The following MACF1 variants were observed in gnomAD, a reference collection of about 807,000 sequenced individuals.
MACF1 encodes the protein microtubule actin crosslinking factor 1.
Under a neutral mutation model 854.8 loss-of-function variants are expected in MACF1, and 193 were observed. That is an observed-to-expected ratio of 0.23 (90% CI 0.20 to 0.25). The LOEUF (loss-of-function observed/expected upper bound fraction) is 0.25, where lower values mean the gene tolerates loss of function less well. Ranked by LOEUF, MACF1 falls within the 10% of genes least tolerant of loss-of-function variation. The probability of loss-of-function intolerance (pLI) is 1.00; values close to 1 mark genes in which losing one functional copy is unlikely to be tolerated. For missense variants in MACF1, 7,722 were observed against 8,929.1 expected, an observed-to-expected ratio of 0.86 and a Z score of 5.45; for synonymous variants, 3,185 against 3,226.7, an observed-to-expected ratio of 0.99 and a Z score of 0.44.
rs925947222 is a variant in MACF1, at chr1:39,478,989, C to T, written c.21959-809C>T. ...TGTCTTTTAAATTAGTAGCATCTTT[C>T]GCATTTAACATTTTTGTTGGCTGTG... On this transcript the variant is annotated intron_variant, in intron 97 of 100. Coordinates refer to ENST00000564288, the MANE Select transcript of MACF1 (RefSeq NM_001394062.1). 2.0e-5 allele frequency among the ~76,000 whole-genome samples: 3 copies of T among 152,270 alleles called. No homozygotes were observed. In the South Asian group the frequency reaches 6.2e-4, roughly 32 times the overall value.
At chr1:39,407,575 G>A (rs1642761018) in intron 58 of MACF1, among the ~76,000 whole-genome samples, 1 of 152,228 alleles carries the variant, frequency 6.6e-6, no homozygotes, top group Non-Finnish European at 1.5e-5. Context: ...ATCAGCAGCC[G>A]TTGTTGAAGT....
chr1:39,288,032 A>AT (rs1645680210), intron 15 of MACF1, among the ~76,000 whole-genome samples: 1 of 152,040 alleles, frequency 6.6e-6, no homozygotes, highest in Non-Finnish European at 1.5e-5. Flanking sequence ...AATTAAAAAA[A>AT]TTTTTTGTGG....
intron 85 of MACF1, 71 bp downstream of exon 85, chr1:39,451,282 A>G (rs566073760): frequency 6.3e-6 from 9 of 1,427,802 alleles, no homozygotes; most frequent in African/African-American, 5.7e-5. Flanking sequence ...GGTCTTCTAC[A>G]TATGACTGCC....
At chr1:39,289,495 G>A (rs1284003397) in intron 15 of MACF1, among the ~76,000 whole-genome samples, 1 of 152,022 alleles carries the variant, frequency 6.6e-6, no homozygotes, top group Non-Finnish European at 1.5e-5. Flanking sequence ...AATTAGTGAC[G>A]TTGAGCACCT....
chr1:39,414,219 G>C, intron 58 of MACF1: 1 of 1,613,838 alleles, frequency 6.2e-7, no homozygotes, highest in Non-Finnish European at 8.5e-7. Context: ...CCCCAGAGGT[G>C]CCTGCCATCC....
intron 72 of MACF1, among the ~76,000 whole-genome samples, chr1:39,440,111 C>CTTTTCTTTTCTTTTCTTTTTTT (rs1553414036): frequency 1.1e-4 from 7 of 64,514 alleles, no homozygotes; most frequent in African/African-American, 4.7e-4. Flanking sequence ...CTTTTCTTTT[C>CTTTTCTTTTCTTTTCTTTTTTT]TTTTTTTTTT....
intron 45 of MACF1, among the ~76,000 whole-genome samples, chr1:39,358,287 C>G (rs993322539): frequency 2.6e-5 from 4 of 152,176 alleles, no homozygotes; most frequent in African/African-American, 9.7e-5. Flanking sequence ...TCCTTACCTT[C>G]CTTCCTATCT....
chr1:39,418,339 G>A (rs568965516), intron 58 of MACF1, among the ~76,000 whole-genome samples: 143 of 152,258 alleles, frequency 9.4e-4, no homozygotes, highest in African/African-American at 3.2e-3. Flanking sequence ...AGTTGGATAC[G>A]TAGCTTTGAA....
chr1:39,432,288 T>G (rs1188536461), intron 66 of MACF1, among the ~76,000 whole-genome samples: 4 of 152,250 alleles, frequency 2.6e-5, no homozygotes, highest in African/African-American at 9.6e-5. Context: ...AGGGGATTGA[T>G]ATCTGTTATT....
intron 2 of MACF1, among the ~76,000 whole-genome samples, chr1:39,199,025 G>A (rs1005258783): frequency 2.0e-5 from 3 of 151,714 alleles, no homozygotes; most frequent in South Asian, 4.2e-4. Flanking sequence ...TCGCTCTGTC[G>A]CCCAGGCTGG....
At chr1:39,254,043 C>T (rs1021387082) in intron 4 of MACF1, 45 of 406,218 alleles carry the variant, frequency 1.1e-4, no homozygotes, top group Admixed American at 3.2e-4. Flanking sequence ...GGCATTGATT[C>T]GGCATTAGTG....
At chr1:39,468,833 T>C in intron 96 of MACF1, 101 bp downstream of exon 96, 1 of 1,112,270 alleles carries the variant, frequency 9.0e-7, no homozygotes, top group South Asian at 1.3e-5. Flanking sequence ...GTCTGTTTTT[T>C]ATTTTGTTAA....
chr1:39,432,595 G>A lies in MACF1; in HGVS notation c.17398G>A (p.Ala5800Thr). The change falls in exon 67 of 101, where the codon GCT becomes ACT. Residue 5800 changes from alanine (A) to threonine (T), a missense_variant. Transcript: ENST00000564288. ...WVAETKRKLM[A>T]LGPIRLEQDQ... is the part of the protein sequence containing the mutation. ...TGCTGAAACAAAACGGAAACTGATGGCTCTGGGTCCAATTCGCCTGGAACA... is the reference window on the plus strand; with the variant it reads ...TGCTGAAACAAAACGGAAACTGATGACTCTGGGTCCAATTCGCCTGGAACA... The A allele has an allele frequency of 6.2e-7, 1 of 1,613,998 alleles. No individual in the cohort carries two copies. Among genetic ancestry groups the A allele is most frequent in the Non-Finnish European group, 8.5e-7 (1 of 1,179,960 alleles).
At chr1:39,448,326 G>C (rs909820062) in intron 83 of MACF1, among the ~76,000 whole-genome samples, 174 bp downstream of exon 83, 4 of 152,164 alleles carry the variant, frequency 2.6e-5, no homozygotes, top group African/African-American at 9.7e-5. Flanking sequence ...CATGATATTT[G>C]CTCATTTAAA....
intron 2 of MACF1, among the ~76,000 whole-genome samples, chr1:39,171,155 G>T (rs72661914): frequency 6.6e-6 from 1 of 151,646 alleles, no homozygotes; most frequent in African/African-American, 2.4e-5. Context: ...ACTTGTCTGC[G>T]TTCCTTTCTG....
intron 95 of MACF1, among the ~76,000 whole-genome samples, chr1:39,467,068 A>T (rs1489837822): frequency 6.6e-6 from 1 of 152,152 alleles, no homozygotes; most frequent in Non-Finnish European, 1.5e-5. Flanking sequence ...GTTGTCCTTT[A>T]TAACTTTGAA....
chr1:39,162,800 A>G (rs1643828276), intron 2 of MACF1, among the ~76,000 whole-genome samples: 1 of 152,102 alleles, frequency 6.6e-6, no homozygotes, highest in Non-Finnish European at 1.5e-5. Context: ...GATGTTAGCG[A>G]TACTGTTTCT....
rs1467126272 is a variant in MACF1, at chr1:39,347,037, C to G, written c.10642C>G (p.Gln3548Glu). 1 of 1,614,088 alleles carries G rather than the reference C, an allele frequency of 6.2e-7. No homozygotes were observed. The highest frequency in any genetic ancestry group is 8.5e-7 in the Non-Finnish European group (1 of 1,179,974). The change falls in exon 41 of 101, where the codon CAG becomes GAG. Residue 3548 changes from glutamine (Q) to glutamate (E), a missense_variant. Physicochemically the swap from Gln to Glu is conservative, Grantham distance 29. Coordinates refer to ENST00000564288, the MANE Select transcript of MACF1 (RefSeq NM_001394062.1). The part of the protein sequence containing the change: ...AQLDALAFDI[Q>E]FFISEHAQDL... ...GCTGGATGCTCTTGCTTTTGATATTCAGTTCTTTATCTCAGAACATGCCCA... is the reference window on the plus strand; with the variant it reads ...GCTGGATGCTCTTGCTTTTGATATTGAGTTCTTTATCTCAGAACATGCCCA...
intron 21 of MACF1, chr1:39,299,397 C>T (rs911207390): frequency 5.3e-6 from 2 of 379,350 alleles, no homozygotes; most frequent in Non-Finnish European, 1.0e-5. Flanking sequence ...ACTTTTATAC[C>T]TCAAAATGGG....
Sources: allele counts gnomAD v4.1 joint callset (sites outside exome capture counted in the v4.1 genomes callset), GRCh38; gene constraint gnomAD v4.1.1; transcripts MANE v1.5; gene names NCBI Gene and HGNC (gene_info 2026-07-23, HGNC 2026-07-21).